Variants in SLC30A4 observed in about 807,000 individuals in gnomAD.
The protein encoded by SLC30A4 is probable proton-coupled zinc antiporter SLC30A4.
Under a neutral mutation model 41.7 loss-of-function variants are expected in SLC30A4, and 20 were observed. That is an observed-to-expected ratio of 0.48 (90% CI 0.34 to 0.70). The LOEUF is 0.70. SLC30A4 is among the 30% of genes least tolerant of loss of function. SLC30A4 has a pLI of 0.01. For synonymous variants in SLC30A4, 181 were observed against 195.9 expected (o/e 0.92, Z 0.64); for missense variants, 441 against 529.3 (o/e 0.83, Z 1.64).
In SLC30A4 at chr15:45,483,330, C is replaced by G. The variant is rs1050546139; in HGVS notation, c.*1833G>C. ...ACAATTTGCCTGGTACATTGTTACC[C>G]TACTCTGATTCTTAGAGGAGCCCAA... On this transcript the variant is annotated 3_prime_UTR_variant, in exon 8 of 8. Coordinates refer to ENST00000261867, the MANE Select transcript of SLC30A4 (RefSeq NM_013309.6). 15 of 152,146 alleles carry G rather than the reference C, an allele frequency of 9.9e-5. No individual in the cohort carries two copies. Among genetic ancestry groups the G allele is most frequent in the Admixed American group, 7.9e-4 (12 of 15,276 alleles). The allele number at this position is 152,146 out of a possible 1,614,324, so 9.4% of individuals were successfully genotyped here.
At chr15:45,500,617 T>C (rs544325854) in intron 3 of SLC30A4, among the ~76,000 whole-genome samples, 4 of 19,530 alleles carry the variant, frequency 2.0e-4, no homozygotes, top group African/African-American at 1.2e-3. Context: ...AGGGTCTGTC[T>C]ATCTATCTAT....
rs57854212 is a variant in SLC30A4, at chr15:45,482,057, TAAAA to T, written c.*3102_*3105del. The T allele has an allele frequency of 4.4e-3, 157 of 35,812 alleles. 1 individual carries two copies. The highest frequency in any genetic ancestry group is 0.014 in the African/African-American group (143 of 10,146). 2.2% of individuals were successfully genotyped at this position (35,812 alleles called of 1,614,324 possible). A position where few individuals can be genotyped will look rare whatever the true frequency, so the allele number is the denominator to read the frequency against. ...GCAACATAGGGAGACCCCATCTCAT[TAAAA>T]AAAAAAAAAAAAAAAAAAAAAAAAG... On this transcript the variant is annotated 3_prime_UTR_variant, in exon 8 of 8. Transcript: ENST00000261867.
At chr15:45,508,267 C>G (rs1228753256) in intron 3 of SLC30A4, among the ~76,000 whole-genome samples, 2 of 152,194 alleles carry the variant, frequency 1.3e-5, no homozygotes, top group Non-Finnish European at 2.9e-5. Flanking sequence ...TCAACTTCCA[C>G]ACTAATTCTT....
At chr15:45,509,727 G>C (rs1036233781) in intron 3 of SLC30A4, among the ~76,000 whole-genome samples, 1 of 152,168 alleles carries the variant, frequency 6.6e-6, no homozygotes, top group Non-Finnish European at 1.5e-5. Flanking sequence ...ACAGTGTCAA[G>C]TTTTGCACCA....
chr15:45,482,269 A>G lies in SLC30A4; in HGVS notation c.*2894T>C, dbSNP rs945152492. 2.0e-5 allele frequency: 3 copies of G among 151,890 alleles called. No individual in the cohort carries two copies. Among genetic ancestry groups the G allele is most frequent in the African/African-American group, 7.3e-5 (3 of 41,302 alleles). 9.4% of individuals were successfully genotyped at this position (151,890 alleles called of 1,614,324 possible). A position where few individuals can be genotyped will look rare whatever the true frequency, so the allele number is the denominator to read the frequency against. On this transcript the variant is annotated 3_prime_UTR_variant, in exon 8 of 8. Transcript: ENST00000261867. ...ACTGTGTCTACCAAAAATACAAAAA[A>G]TTAGCTGGGTGTGGTGGTGCATGCC...
intron 2 of SLC30A4, chr15:45,521,743 T>A (rs1892672934): frequency 7.9e-6 from 4 of 507,490 alleles, no homozygotes; most frequent in Non-Finnish European, 1.4e-5. Flanking sequence ...TGACAGTGGT[T>A]GAACAACTAG....
At chr15:45,489,075 T>C (rs1325544483) in intron 4 of SLC30A4, 33 bp from the exon 5 acceptor site, 2 of 1,511,516 alleles carry the variant, frequency 1.3e-6, no homozygotes, top group Non-Finnish European at 1.8e-6. Context: ...TTATTATTTT[T>C]CCCAATATTG....
intron 3 of SLC30A4, among the ~76,000 whole-genome samples, chr15:45,491,454 G>C (rs185623791): frequency 2.0e-5 from 3 of 152,306 alleles, no homozygotes. Flanking sequence ...GTAAGGTGTG[G>C]TGGCTCATGC....
chr15:45,502,965 G>A (rs984159134), intron 3 of SLC30A4: 3 of 150,692 alleles, frequency 2.0e-5, no homozygotes, highest in Non-Finnish European at 4.4e-5. Flanking sequence ...TTGTATTCCA[G>A]CCTGGAAAAC....
chr15:45,486,693 T>C lies in SLC30A4; in HGVS notation c.1053A>G (p.Ile351Met). 1 of 1,597,504 alleles carries C rather than the reference T, an allele frequency of 6.3e-7. No homozygotes were observed. Among genetic ancestry groups the C allele is most frequent in the Non-Finnish European group, 8.5e-7 (1 of 1,170,336 alleles). ...VDYIKEALMK[I>M]EDVYSVEDLN... is the part of the protein sequence containing the mutation. ...AATCTTCGACTGAATATACATCTTC[T>C]ATTTTCATCAAGGCTTCTTTGATAT... is the stretch of plus-strand genomic sequence containing the variant. Residue 351 changes from isoleucine to methionine, a missense_variant, in exon 7 of 8, where the codon ATA becomes ATG. Transcript: ENST00000261867.
chr15:45,512,421 T>TATA (rs1892325070), intron 2 of SLC30A4: 1 of 152,198 alleles, frequency 6.6e-6, no homozygotes, highest in African/African-American at 2.4e-5. Flanking sequence ...GAATCACTGT[T>TATA]ATAATGTACA....
intron 2 of SLC30A4, among the ~76,000 whole-genome samples, chr15:45,518,715 A>G (rs1892572696): frequency 6.6e-6 from 1 of 151,834 alleles, no homozygotes; most frequent in Non-Finnish European, 1.5e-5. Context: ...GACACGCACT[A>G]CCAAGTCAGG....
At chr15:45,486,291 A>C (rs1349252041) in intron 7 of SLC30A4, among the ~76,000 whole-genome samples, 1 of 152,124 alleles carries the variant, frequency 6.6e-6, no homozygotes, top group Non-Finnish European at 1.5e-5. Flanking sequence ...CCAAAGTGCT[A>C]GGATTACAGG....
chr15:45,495,760 G>T (rs1891896554), intron 3 of SLC30A4, among the ~76,000 whole-genome samples: 1 of 152,150 alleles, frequency 6.6e-6, no homozygotes, highest in Admixed American at 6.5e-5. Context: ...CTATGCCACA[G>T]TTTTCACTCA....
rs1891652044 is a variant in SLC30A4 at position 45,484,010 on chromosome 15, G to C, written c.*1153C>G. On this transcript the variant is annotated 3_prime_UTR_variant, in exon 8 of 8. Transcript: ENST00000261867. ...TGGAAAACCTCAAAATTGTATTTTA[G>C]GGTTTCTGGAGTCCATGGAGAATCC... The C allele has an allele frequency of 2.6e-5, 4 of 152,362 alleles. No homozygotes were observed. Among genetic ancestry groups the C allele is most frequent in the Admixed American group, 6.6e-5 (1 of 15,256 alleles). 9.4% of individuals were successfully genotyped at this position (152,362 alleles called of 1,614,324 possible).
At chr15:45,514,981 G>A (rs1425340356) in intron 2 of SLC30A4, among the ~76,000 whole-genome samples, 1 of 151,918 alleles carries the variant, frequency 6.6e-6, no homozygotes. Context: ...CTGGTCTTAA[G>A]CAATCCTTCC....
At chr15:45,500,039 T>A (rs760834021) in intron 3 of SLC30A4, among the ~76,000 whole-genome samples, 1 of 152,228 alleles carries the variant, frequency 6.6e-6, no homozygotes, top group South Asian at 2.1e-4. Context: ...CAAAGACTTA[T>A]GAGTTTAAAG....
chr15:45,487,481 T>C (rs1891726688), intron 6 of SLC30A4, 46 bp downstream of exon 6: 1 of 957,480 alleles, frequency 1.0e-6, no homozygotes, highest in African/African-American at 1.6e-5. Flanking sequence ...CCCAATCTGC[T>C]TTAGGGAAGT....
Position 45,485,125 on chromosome 15 carries a change from C to T in SLC30A4, c.*38G>A. The T allele has an allele frequency of 6.4e-7, 1 of 1,551,642 alleles. No individual in the cohort carries two copies. ...TTTATTGCTCTCAAGTCTGTGACTG[C>T]AGGATAAATAAGGCAGGAGTTCCCA... On this transcript the variant is annotated 3_prime_UTR_variant, in exon 8 of 8. Transcript: ENST00000261867.
Sources: allele counts gnomAD v4.1 joint callset (sites outside exome capture counted in the v4.1 genomes callset), GRCh38; gene constraint gnomAD v4.1.1; transcripts MANE v1.5; gene names NCBI Gene and HGNC (gene_info 2026-07-23, HGNC 2026-07-21).